PLOD2: variants seen among roughly 807,000 people sequenced by gnomAD.
PLOD2 encodes lysine hydroxylase 2.
Under a neutral mutation model 101.0 loss-of-function variants are expected in PLOD2, and 65 were observed. The ratio of observed to expected loss-of-function variants is 0.64; its 90% CI spans 0.53 to 0.79. The LOEUF (loss-of-function observed/expected upper bound fraction) is 0.79, where lower values mean the gene tolerates loss of function less well. PLOD2 is among the 30% of genes least tolerant of loss of function. The pLI is 0.00. For missense variants in PLOD2, 909 were observed against 914.6 expected, an observed-to-expected ratio of 0.99 and a Z score of 0.08; for synonymous variants, 314 against 302.9, an observed-to-expected ratio of 1.04 and a Z score of -0.38.
intron 1 of PLOD2, among the ~76,000 whole-genome samples, chr3:146,154,474 C>CAA (rs35748974): frequency 1.2e-3 from 172 of 140,998 alleles, no homozygotes; most frequent in African/African-American, 3.9e-3. Flanking sequence ...AAAAGAACAG[C>CAA]AAAAAAAAAA....
chr3:146,093,984 C>G (rs1288785103), intron 7 of PLOD2, among the ~76,000 whole-genome samples: 1 of 151,978 alleles, frequency 6.6e-6, no homozygotes, highest in Non-Finnish European at 1.5e-5. Flanking sequence ...TCTCACCACA[C>G]AGGCAGAGGT....
chr3:146,150,415 G>GT (rs915028374), intron 1 of PLOD2, among the ~76,000 whole-genome samples: 16 of 152,034 alleles, frequency 1.1e-4, no homozygotes, highest in Non-Finnish European at 2.1e-4. Context: ...ATGAGATCAT[G>GT]TTTTTTGCGA....
Position 146,110,327 on chromosome 3 carries a change from A to C in PLOD2, c.460T>G (p.Tyr154Asp). ...LWPDKRLADK[Y>D]PVVHIGKRYL... is the part of the protein sequence containing the mutation. Reference sequence around the variant, plus strand: ...CGTTTCCCAATGTGCACAACAGGATACTTGTCTGCTAGTCTTTTATCTGGC... The same window carrying C: ...CGTTTCCCAATGTGCACAACAGGATCCTTGTCTGCTAGTCTTTTATCTGGC... Residue 154 changes from tyrosine to aspartate, a missense_variant, in exon 4 of 20, where the codon TAT (tyrosine) becomes GAT (aspartate). Tyr to Asp is a radical substitution (Grantham distance 160). Coordinates refer to ENST00000282903, the MANE Select transcript of PLOD2 (RefSeq NM_182943.3). 6.2e-7 allele frequency: 1 copy of C among 1,613,834 alleles called. No homozygotes were observed. Among genetic ancestry groups the C allele is most frequent in the Non-Finnish European group, 8.5e-7 (1 of 1,179,842 alleles).
chr3:146,081,756 A>AT lies in PLOD2; in HGVS notation c.1339dup (p.Ile447AsnfsTer6). 6.2e-7 allele frequency: 1 copy of AT among 1,608,528 alleles called. No homozygotes were observed. Among genetic ancestry groups the AT allele is most frequent in the Non-Finnish European group, 8.5e-7 (1 of 1,175,098 alleles). On this transcript the variant is annotated frameshift_variant, in exon 12 of 20. Transcript: ENST00000282903. LOFTEE classifies it high-confidence loss of function. The stretch of plus-strand genomic sequence containing the variant: ...AACTTACACTCTATTCCCTTGAACA[A>AT]TATCCACATAATCTTCAGATCGTGC...
rs761038733 is a variant in PLOD2 at position 146,102,882 on chromosome 3, T to C, written c.680-30A>G. The C allele has an allele frequency of 2.2e-5, 25 of 1,119,300 alleles. No individual in the cohort carries two copies. In the Middle Eastern group the frequency reaches 5.9e-4, roughly 26 times the overall value. The allele number at this position is 1,119,300 out of a possible 1,614,324, so 69.3% of individuals were successfully genotyped here. A position where few individuals can be genotyped will look rare whatever the true frequency, so the allele number is the denominator to read the frequency against. On this transcript the variant is annotated intron_variant, in intron 6 of 19. Transcript: ENST00000282903. ...GTTAAAAAGAGAAAATAGGCTTTAG[T>C]AATTTAAAATACGTGTGTGTGTGTC...
chr3:146,134,572 A>C (rs2031119977), intron 1 of PLOD2, among the ~76,000 whole-genome samples: 1 of 152,240 alleles, frequency 6.6e-6, no homozygotes, highest in Admixed American at 6.5e-5. Context: ...ACTGCCTGCC[A>C]GAAATCTGAT....
rs1576567258 is a variant in PLOD2 at position 146,070,725 on chromosome 3, C to T, written c.2269G>A (p.Asp757Asn). The T allele has an allele frequency of 6.2e-7, 1 of 1,600,860 alleles. No individual in the cohort carries two copies. The highest frequency in any genetic ancestry group is 8.6e-7 in the Non-Finnish European group (1 of 1,169,336). The part of the protein sequence containing the change: ...GTRYIAVSFI[D>N]P ...AATGAAAAGTAAATAACTTAGGGAT[C>T]TATAAATGACACTGCAATGTATCTT... is the stretch of plus-strand genomic sequence containing the variant. The change falls in exon 20 of 20, where the codon GAT becomes AAT. Residue 757 changes from aspartate (D) to asparagine (N), a missense_variant. By Grantham distance (23) the Asp-to-Asn change is conservative (BLOSUM62 1). Coordinates refer to ENST00000282903, the MANE Select transcript of PLOD2 (RefSeq NM_182943.3).
intron 12 of PLOD2, among the ~76,000 whole-genome samples, chr3:146,079,872 G>A (rs79995087): frequency 3.7e-4 from 56 of 152,044 alleles, no homozygotes; most frequent in African/African-American, 1.3e-3. Flanking sequence ...CATTCATTAA[G>A]CCATCTTAAA....
At chr3:146,126,018 CA>C (rs764800097) in intron 1 of PLOD2, among the ~76,000 whole-genome samples, 106 of 152,062 alleles carry the variant, frequency 7.0e-4, no homozygotes, top group Non-Finnish European at 1.4e-3. Context: ...TTCACACTTA[CA>C]ATTCCAGTAT....
chr3:146,132,356 G>A (rs986487557), intron 1 of PLOD2, among the ~76,000 whole-genome samples: 2 of 152,010 alleles, frequency 1.3e-5, no homozygotes, highest in African/African-American at 4.8e-5. Context: ...TAAGACAAAT[G>A]GTCCTGGATA....
At chr3:146,123,198 G>C (rs369324438) in intron 2 of PLOD2, 2 of 424,740 alleles carry the variant, frequency 4.7e-6, no homozygotes, top group African/African-American at 4.3e-5. Context: ...AAATGGATCA[G>C]TTTTTCTCCA....
chr3:146,082,610 G>A (rs1358858368), intron 11 of PLOD2, among the ~76,000 whole-genome samples: 1 of 151,744 alleles, frequency 6.6e-6, no homozygotes, highest in Non-Finnish European at 1.5e-5. Flanking sequence ...AACACACATC[G>A]GGCCCGGCGC....
intron 7 of PLOD2, among the ~76,000 whole-genome samples, chr3:146,102,012 G>A (rs1477254109): frequency 6.6e-6 from 1 of 152,078 alleles, no homozygotes; most frequent in Non-Finnish European, 1.5e-5. Context: ...CTGGAATTCA[G>A]ATCACTCACT....
At chr3:146,107,012 A>G (rs886938978) in intron 4 of PLOD2, among the ~76,000 whole-genome samples, 1 of 152,194 alleles carries the variant, frequency 6.6e-6, no homozygotes, top group Non-Finnish European at 1.5e-5. Context: ...CCTTCTAAAA[A>G]GCTCTTCTTG....
chr3:146,139,423 A>T (rs376992820), intron 1 of PLOD2, among the ~76,000 whole-genome samples: 1 of 152,304 alleles, frequency 6.6e-6, no homozygotes, highest in South Asian at 2.1e-4. Context: ...TTTCTAAACA[A>T]TAAGAATTCT....
chr3:146,145,263 A>G (rs745670697), intron 1 of PLOD2, among the ~76,000 whole-genome samples: 5 of 152,158 alleles, frequency 3.3e-5, no homozygotes, highest in Non-Finnish European at 7.4e-5. Flanking sequence ...TACAAAACCA[A>G]AAACTAAAAC....
intron 2 of PLOD2, 47 bp from the exon 3 acceptor site, chr3:146,121,295 G>A: frequency 6.4e-7 from 1 of 1,559,668 alleles, no homozygotes; most frequent in Non-Finnish European, 8.8e-7. Context: ...CTCAAATTAT[G>A]AAAGTACTAT....
In PLOD2 at chr3:146,161,082, GC is replaced by G; in HGVS notation, c.-94del. The G allele has an allele frequency of 6.5e-6, 5 of 768,694 alleles. 1 individual carries two copies. The highest frequency in any genetic ancestry group is 9.5e-6 in the Non-Finnish European group (5 of 525,908). 47.6% of individuals were successfully genotyped at this position (768,694 alleles called of 1,614,324 possible). ...ACGCAGAGACCCGGGTCCGCCCTGAGCCGCCGATTGCGGGCGGGAGCCGGCG... is the reference window on the plus strand; with the variant it reads ...ACGCAGAGACCCGGGTCCGCCCTGAGCGCCGATTGCGGGCGGGAGCCGGCG... On this transcript the variant is annotated 5_prime_UTR_variant, in exon 1 of 20. Coordinates refer to ENST00000282903, the MANE Select transcript of PLOD2 (RefSeq NM_182943.3).
intron 1 of PLOD2, among the ~76,000 whole-genome samples, chr3:146,127,257 T>C (rs1344624326): frequency 6.6e-6 from 1 of 152,170 alleles, no homozygotes; most frequent in Non-Finnish European, 1.5e-5. Flanking sequence ...ATTTGGCTTC[T>C]AGTATATCCA....
Sources: gnomAD v4.1 joint callset for allele counts (sites outside exome capture counted in the v4.1 genomes callset) on GRCh38, gnomAD v4.1.1 for gene constraint, MANE v1.5 for transcripts, NCBI Gene and HGNC (gene_info 2026-07-23, HGNC 2026-07-21) for gene names.